The following LTBP1 variants were observed in gnomAD, a reference collection of about 807,000 sequenced individuals.
LTBP1 encodes latent-transforming growth factor beta-binding protein 1.
LTBP1 carries 129 observed loss-of-function variants against 207.6 expected under a neutral mutation model. The ratio of observed to expected loss-of-function variants is 0.62; its 90% CI spans 0.54 to 0.72. The LOEUF (loss-of-function observed/expected upper bound fraction) is 0.72, where lower values mean the gene tolerates loss of function less well. LTBP1 is among the 30% of genes least tolerant of loss of function. The pLI is 0.00. For missense variants in LTBP1, 2,281 were observed against 2,217.2 expected (o/e 1.03, Z -0.58); for synonymous variants, 963 against 833.7 (o/e 1.16, Z -2.67).
At chr2:33,333,652 AT>A (rs979255883) in intron 24 of LTBP1, among the ~76,000 whole-genome samples, 1 of 152,152 alleles carries the variant, frequency 6.6e-6, no homozygotes, top group African/African-American at 2.4e-5. Context: ...AAACGAAGCA[AT>A]TTTTTTGTAA....
At chr2:33,256,564 GA>G (rs1396133566) in intron 11 of LTBP1, among the ~76,000 whole-genome samples, 1 of 150,528 alleles carries the variant, frequency 6.6e-6, no homozygotes, top group East Asian at 1.9e-4. Flanking sequence ...ATCAAAGCGG[GA>G]AAAAAAGCCT....
intron 26 of LTBP1, among the ~76,000 whole-genome samples, chr2:33,359,416 G>T (rs2094901239): frequency 6.6e-6 from 1 of 152,024 alleles, no homozygotes; most frequent in African/African-American, 2.4e-5. Flanking sequence ...TAAACATATA[G>T]GAAGCTATTG....
intron 20 of LTBP1, among the ~76,000 whole-genome samples, chr2:33,296,469 C>G (rs990085263): frequency 6.6e-6 from 1 of 152,076 alleles, no homozygotes; most frequent in Admixed American, 6.5e-5. Context: ...GTGGCTCTTC[C>G]AGTGGTTCAT....
chr2:33,297,403 A>G (rs555537255), intron 20 of LTBP1, among the ~76,000 whole-genome samples: 6 of 9,576 alleles, frequency 6.3e-4, no homozygotes, highest in Admixed American at 2.2e-3. Flanking sequence ...ATACTGCTTT[A>G]TTTATTTATT....
chr2:33,190,340 G>A (rs181880422), intron 7 of LTBP1, among the ~76,000 whole-genome samples: 4 of 139,770 alleles, frequency 2.9e-5, no homozygotes, highest in East Asian at 1.9e-4. Context: ...AAAATATATC[G>A]TGTGTGTGTG....
intron 10 of LTBP1, among the ~76,000 whole-genome samples, chr2:33,246,827 A>G (rs1473616864): frequency 6.6e-6 from 1 of 152,230 alleles, no homozygotes; most frequent in African/African-American, 2.4e-5. Flanking sequence ...CCAAGCTAAA[A>G]GGAAGAAAGC....
chr2:33,248,895 GT>G (rs762166572), intron 10 of LTBP1, among the ~76,000 whole-genome samples: 2 of 152,074 alleles, frequency 1.3e-5, no homozygotes, highest in Non-Finnish European at 2.9e-5. Flanking sequence ...CCATGAAATG[GT>G]TTTTAATGAC....
chr2:33,230,956 T>C (rs1489638843), intron 9 of LTBP1, among the ~76,000 whole-genome samples: 2 of 152,208 alleles, frequency 1.3e-5, no homozygotes, highest in African/African-American at 4.8e-5. Context: ...ACATCTACAC[T>C]TTTATAATTC....
At chr2:33,295,269 C>G (rs890303658) in intron 20 of LTBP1, among the ~76,000 whole-genome samples, 1 of 151,710 alleles carries the variant, frequency 6.6e-6, no homozygotes, top group African/African-American at 2.4e-5. Flanking sequence ...TACATGTGGC[C>G]GGACACAGCA....
chr2:33,056,460 A>G (rs894083489), intron 3 of LTBP1: 1 of 922,728 alleles, frequency 1.1e-6, no homozygotes, highest in Non-Finnish European at 1.6e-6. Flanking sequence ...GTTGTTGCAA[A>G]TTGCCAGCTG....
chr2:33,003,514 C>T (rs913941872), intron 2 of LTBP1, among the ~76,000 whole-genome samples: 1 of 152,176 alleles, frequency 6.6e-6, no homozygotes, highest in Non-Finnish European at 1.5e-5. Context: ...CTGGGGCATG[C>T]TGTGGTGTAT....
chr2:33,394,484 G>A (rs2095342425), intron 32 of LTBP1, among the ~76,000 whole-genome samples: 1 of 152,106 alleles, frequency 6.6e-6, no homozygotes, highest in Non-Finnish European at 1.5e-5. Flanking sequence ...AATTTTGTAA[G>A]GAAGGGATCC....
At chr2:33,315,961 C>T (rs1416652368) in intron 24 of LTBP1, among the ~76,000 whole-genome samples, 4 of 152,124 alleles carry the variant, frequency 2.6e-5, no homozygotes, top group African/African-American at 9.7e-5. Context: ...GAATGTCTTG[C>T]TTGATTTTTC....
Position 33,365,501 on chromosome 2 carries a change from C to T in LTBP1, c.4709C>T (p.Ser1570Leu), listed in dbSNP as rs757157196. 3.7e-6 allele frequency: 6 copies of T among 1,613,102 alleles called. No homozygotes were observed. Among genetic ancestry groups the T allele is most frequent in the African/African-American group, 1.3e-5 (1 of 74,836 alleles). Residue 1570 changes from serine (S) to leucine (L), a missense_variant and splice_region_variant, in exon 31 of 34, where the codon TCA becomes TTA. Transcript: ENST00000404816. ...TGTGCCCTCTGCCCCCTGAAGGATT[C>T]AGGTGAGCCCATATCCAATTCCTTC... ...MQCALCPLKD[S>L]DDYAQLCNIP...
chr2:33,280,376 T>G (rs181645319), intron 19 of LTBP1, among the ~76,000 whole-genome samples: 1 of 152,150 alleles, frequency 6.6e-6, no homozygotes, highest in African/African-American at 2.4e-5. Context: ...TAATTAGGAT[T>G]GAAACAAACT....
At chr2:33,020,785 A>T in intron 2 of LTBP1, 124 bp from the exon 3 acceptor site, 1 of 903,146 alleles carries the variant, frequency 1.1e-6, no homozygotes, top group African/African-American at 1.7e-5. Context: ...CTTCCTCCTT[A>T]TGAGTATTTG....
intron 3 of LTBP1, among the ~76,000 whole-genome samples, chr2:33,031,223 T>A (rs755483828): frequency 2.8e-4 from 42 of 152,218 alleles, no homozygotes; most frequent in Non-Finnish European, 5.6e-4. Context: ...AATTCTTTGG[T>A]CTTCTGAGAG....
chr2:33,064,725 C>G (rs60796149), intron 3 of LTBP1, among the ~76,000 whole-genome samples: 1 of 152,252 alleles, frequency 6.6e-6, no homozygotes, highest in East Asian at 1.9e-4. Context: ...AGACTGTGTA[C>G]TATATAAACA....
intron 11 of LTBP1, 47 bp from the exon 12 acceptor site, chr2:33,257,237 T>C: frequency 2.1e-6 from 3 of 1,402,156 alleles, no homozygotes; most frequent in Non-Finnish European, 3.0e-6. Flanking sequence ...TGTATAAGTT[T>C]GCACTGTTAG....
Sources: allele counts gnomAD v4.1 joint callset (sites outside exome capture counted in the v4.1 genomes callset), GRCh38; gene constraint gnomAD v4.1.1; transcripts MANE v1.5; gene names NCBI Gene and HGNC (gene_info 2026-07-23, HGNC 2026-07-21).